The following KCNH5 variants were observed in gnomAD, a reference collection of about 807,000 sequenced individuals.
KCNH5 encodes voltage-gated delayed rectifier potassium channel KCNH5.
In KCNH5, 46 loss-of-function variants were observed where a neutral mutation model predicts 96.1. The observed-to-expected ratio is 0.48, with a 90% CI of 0.38 to 0.61. The LOEUF (loss-of-function observed/expected upper bound fraction) is 0.61. Ranked by LOEUF, KCNH5 falls within the 20% of genes least tolerant of loss-of-function variation. KCNH5 has a pLI of 0.00. For missense variants in KCNH5, 907 were observed against 1,225.8 expected, an observed-to-expected ratio of 0.74 and a Z score of 3.88; for synonymous variants, 439 against 449.8, an observed-to-expected ratio of 0.98 and a Z score of 0.30.
intron 6 of KCNH5, among the ~76,000 whole-genome samples, chr14:62,969,335 A>G (rs181194438): frequency 6.6e-6 from 1 of 152,342 alleles, no homozygotes; most frequent in East Asian, 1.9e-4. Flanking sequence ...TCAATAATCT[A>G]TACTTTCACC....
intron 7 of KCNH5, among the ~76,000 whole-genome samples, chr14:62,941,803 C>T (rs932710922): frequency 3.3e-5 from 5 of 152,054 alleles, no homozygotes; most frequent in Non-Finnish European, 1.5e-5. Context: ...TAATTTTTTT[C>T]TAATATTAGG....
intron 7 of KCNH5, among the ~76,000 whole-genome samples, chr14:62,878,613 C>G (rs746563720): frequency 6.6e-6 from 1 of 152,076 alleles, no homozygotes; most frequent in Non-Finnish European, 1.5e-5. Context: ...ACTTATAACT[C>G]AATAAATAAA....
At chr14:62,931,457 C>T (rs1315255655) in intron 7 of KCNH5, among the ~76,000 whole-genome samples, 2 of 151,962 alleles carry the variant, frequency 1.3e-5, no homozygotes, top group East Asian at 1.9e-4. Context: ...CAAAACTCCA[C>T]AAAATAACAG....
intron 6 of KCNH5, among the ~76,000 whole-genome samples, chr14:62,972,747 A>C (rs1890433143): frequency 6.6e-6 from 1 of 152,218 alleles, no homozygotes; most frequent in Non-Finnish European, 1.5e-5. Flanking sequence ...TAAGAGAAAG[A>C]AGCCAATATG....
chr14:62,845,151 A>G (rs56117768), intron 8 of KCNH5, among the ~76,000 whole-genome samples: 6,620 of 152,234 alleles, frequency 0.043, 299 homozygotes, highest in African/African-American at 0.11. Flanking sequence ...ATAAAATAAG[A>G]AACATAAAGT....
chr14:62,908,847 A>G (rs1466530476), intron 7 of KCNH5, among the ~76,000 whole-genome samples: 1 of 119,146 alleles, frequency 8.4e-6, no homozygotes, highest in Admixed American at 1.2e-4. Context: ...GTATCACAAT[A>G]TGGAGTCCTG....
At chr14:62,933,236 C>T (rs1889614093) in intron 7 of KCNH5, among the ~76,000 whole-genome samples, 1 of 151,758 alleles carries the variant, frequency 6.6e-6, no homozygotes, top group Non-Finnish European at 1.5e-5. Flanking sequence ...TTAAAAGAAG[C>T]AACATAAGAA....
intron 8 of KCNH5, among the ~76,000 whole-genome samples, chr14:62,829,629 G>C (rs1887300970): frequency 6.6e-6 from 1 of 152,206 alleles, no homozygotes. Context: ...TCCTGAGGCT[G>C]CACAGAGCAG....
chr14:62,905,503 G>A (rs899511555), intron 7 of KCNH5, among the ~76,000 whole-genome samples: 14 of 152,054 alleles, frequency 9.2e-5, no homozygotes, highest in African/African-American at 2.9e-4. Context: ...ATTGAGGGGG[G>A]CAGGGGAGAA....
intron 7 of KCNH5, among the ~76,000 whole-genome samples, chr14:62,945,811 GC>G (rs1268132448): frequency 6.6e-6 from 1 of 152,054 alleles, no homozygotes; most frequent in African/African-American, 2.4e-5. Flanking sequence ...TCTGAGACAG[GC>G]CTAAGACTGA....
At chr14:62,829,101 G>A (rs1258848692) in intron 8 of KCNH5, among the ~76,000 whole-genome samples, 1 of 152,136 alleles carries the variant, frequency 6.6e-6, no homozygotes, top group Non-Finnish European at 1.5e-5. Flanking sequence ...TAACATCCAA[G>A]GCATACTGAT....
chr14:63,042,648 A>C (rs1259456853), intron 1 of KCNH5, among the ~76,000 whole-genome samples: 1 of 152,294 alleles, frequency 6.6e-6, no homozygotes, highest in South Asian at 2.1e-4. Context: ...AACCTGATCC[A>C]TCTGTGAGAA....
At chr14:62,743,331 G>A (rs74058979) in intron 10 of KCNH5, among the ~76,000 whole-genome samples, 1 of 152,084 alleles carries the variant, frequency 6.6e-6, no homozygotes, top group Non-Finnish European at 1.5e-5. Context: ...TGCAGCCAGG[G>A]TTGAAAACCA....
intron 8 of KCNH5, among the ~76,000 whole-genome samples, chr14:62,832,919 G>C (rs373515493): frequency 6.6e-6 from 1 of 152,156 alleles, no homozygotes; most frequent in East Asian, 1.9e-4. Flanking sequence ...TGTTTTCTTA[G>C]GAGAAATGTT....
chr14:62,878,122 A>C (rs555173257), intron 7 of KCNH5, among the ~76,000 whole-genome samples: 7 of 143,820 alleles, frequency 4.9e-5, no homozygotes, highest in Non-Finnish European at 8.9e-5. Context: ...ACATGTTCTC[A>C]CTCATAGGTG....
intron 8 of KCNH5, among the ~76,000 whole-genome samples, chr14:62,846,132 C>T (rs1233305158): frequency 6.6e-6 from 1 of 151,992 alleles, no homozygotes; most frequent in African/African-American, 2.4e-5. Context: ...GTTTCTATGT[C>T]TTTTTGTTTG....
rs146556816 is a variant in KCNH5 at position 63,025,293 on chromosome 14, G to A, written c.74-8339C>T. ...CATACTCAATGACAAAAAGTTGAAA[G>A]TTTTTCCTCTAAAATCAGGAACAAG... On this transcript the variant is annotated intron_variant, in intron 1 of 10. Coordinates refer to ENST00000322893, the MANE Select transcript of KCNH5 (RefSeq NM_139318.5). 1.3e-3 allele frequency among the ~76,000 whole-genome samples: 202 copies of A among 152,152 alleles called. 1 individual carries two copies. Among genetic ancestry groups the A allele is most frequent in the African/African-American group, 4.8e-3 (199 of 41,556 alleles).
Position 62,936,855 on chromosome 14 carries a change from C to T in KCNH5, c.1369+13278G>A, listed in dbSNP as rs549071441. ...CATTAGCCAGGCGTGGTGGCACATG[C>T]CTGTAATCCCAGCTACTCAGGAGGC... is the stretch of plus-strand genomic sequence containing the variant. On this transcript the variant is annotated intron_variant, in intron 7 of 10. Coordinates refer to ENST00000322893, the MANE Select transcript of KCNH5 (RefSeq NM_139318.5). Among the ~76,000 whole-genome samples the T allele has an allele frequency of 1.1e-4, 16 of 151,846 alleles. 1 individual carries two copies. The South Asian group carries it at 2.7e-3, about 26-fold the overall frequency.
chr14:62,852,899 A>C (rs1887836218), intron 7 of KCNH5, among the ~76,000 whole-genome samples: 1 of 152,124 alleles, frequency 6.6e-6, no homozygotes, highest in Non-Finnish European at 1.5e-5. Flanking sequence ...TCTCAGTAGA[A>C]GCTCCCTCTA....
Sources: gnomAD v4.1 joint callset for allele counts (sites outside exome capture counted in the v4.1 genomes callset) on GRCh38, gnomAD v4.1.1 for gene constraint, MANE v1.5 for transcripts, NCBI Gene and HGNC (gene_info 2026-07-23, HGNC 2026-07-21) for gene names.